SNTG1: variants seen among roughly 807,000 people sequenced by gnomAD.
The protein encoded by SNTG1 is syntrophin gamma 1, also known as gamma-1-syntrophin.
A neutral mutation model predicts 74.7 loss-of-function variants in SNTG1; 39 were observed. The ratio of observed to expected loss-of-function variants is 0.52; its 90% confidence interval spans 0.40 to 0.68. SNTG1 has a LOEUF of 0.68. SNTG1 is among the 30% of genes least tolerant of loss of function. The pLI is 0.00. For missense variants in SNTG1, 685 were observed against 609.5 expected (o/e 1.12, Z -1.30); for synonymous variants, 254 against 217.1 (o/e 1.17, Z -1.49).
intron 2 of SNTG1, among the ~76,000 whole-genome samples, chr8:50,232,265 C>T (rs1196002177): frequency 6.6e-6 from 1 of 151,296 alleles, no homozygotes; most frequent in Non-Finnish European, 1.5e-5. Context: ...ACCAAGGGGT[C>T]TTATTCCAGG....
chr8:50,225,409 A>C (rs2085279271), intron 2 of SNTG1, among the ~76,000 whole-genome samples: 1 of 152,134 alleles, frequency 6.6e-6, no homozygotes, highest in Non-Finnish European at 1.5e-5. Context: ...GCTTTCAACC[A>C]TTGTCAGTCA....
At chr8:49,971,033 T>G (rs918426888) in intron 1 of SNTG1, among the ~76,000 whole-genome samples, 1 of 152,090 alleles carries the variant, frequency 6.6e-6, no homozygotes, top group Non-Finnish European at 1.5e-5. Flanking sequence ...GCCAGCATCA[T>G]CCTGATACCA....
At chr8:49,980,490 C>A (rs941283199) in intron 1 of SNTG1, among the ~76,000 whole-genome samples, 1 of 114,804 alleles carries the variant, frequency 8.7e-6, no homozygotes, top group African/African-American at 3.3e-5. Context: ...GCTTTACTTT[C>A]TCCTCACATC....
At chr8:50,233,108 C>A (rs530349402) in intron 2 of SNTG1, among the ~76,000 whole-genome samples, 40 of 151,358 alleles carry the variant, frequency 2.6e-4, no homozygotes, top group Non-Finnish European at 4.7e-4. Flanking sequence ...ATAGCAAAAA[C>A]AATTTTGAAA....
intron 1 of SNTG1, among the ~76,000 whole-genome samples, chr8:50,094,705 G>A (rs2079864335): frequency 6.6e-6 from 1 of 152,124 alleles, no homozygotes; most frequent in African/African-American, 2.4e-5. Context: ...CAGAGACAAG[G>A]GAACACTTAT....
intron 17 of SNTG1, among the ~76,000 whole-genome samples, chr8:50,738,659 T>C (rs1473654608): frequency 6.6e-6 from 1 of 151,906 alleles, no homozygotes; most frequent in African/African-American, 2.4e-5. Context: ...CTTCAAACTA[T>C]ACTACAAAGC....
intron 17 of SNTG1, among the ~76,000 whole-genome samples, chr8:50,714,951 A>C (rs2095471589): frequency 1.3e-5 from 2 of 152,160 alleles, no homozygotes; most frequent in Non-Finnish European, 2.9e-5. Flanking sequence ...AAACAACAAC[A>C]AAAACAAAAA....
chr8:49,958,090 G>T (rs2129648601), intron 1 of SNTG1, among the ~76,000 whole-genome samples: 1 of 152,258 alleles, frequency 6.6e-6, no homozygotes, highest in Admixed American at 6.5e-5. Flanking sequence ...GTAAGAGGTT[G>T]GGGATTCAAA....
chr8:50,227,911 A>G (rs2085418272), intron 2 of SNTG1, among the ~76,000 whole-genome samples: 1 of 113,902 alleles, frequency 8.8e-6, no homozygotes, highest in Non-Finnish European at 1.9e-5. Flanking sequence ...AAAATGACAT[A>G]AACAACAACC....
chr8:50,041,075 T>C (rs965625904), intron 1 of SNTG1, among the ~76,000 whole-genome samples: 4 of 152,090 alleles, frequency 2.6e-5, no homozygotes, highest in Admixed American at 6.5e-5. Context: ...TTTGTATTTT[T>C]AGTAGAGACA....
intron 4 of SNTG1, among the ~76,000 whole-genome samples, chr8:50,429,838 A>G (rs188183644): frequency 2.0e-5 from 3 of 152,278 alleles, no homozygotes; most frequent in Non-Finnish European, 4.4e-5. Context: ...ATGTTTCACT[A>G]AAGAAGGTAT....
intron 1 of SNTG1, among the ~76,000 whole-genome samples, chr8:49,913,969 C>A (rs1450412459): frequency 6.6e-6 from 1 of 151,920 alleles, no homozygotes; most frequent in Non-Finnish European, 1.5e-5. Flanking sequence ...GTGAAAGTTA[C>A]CTTTGCCTAA....
intron 1 of SNTG1, among the ~76,000 whole-genome samples, chr8:49,931,470 G>C (rs1474033841): frequency 2.0e-5 from 3 of 152,104 alleles, no homozygotes; most frequent in African/African-American, 7.2e-5. Context: ...CTCACTATCT[G>C]GGTGATGGGA....
In SNTG1 at chr8:50,393,819, T is replaced by C. The variant is rs181108782; in HGVS notation, c.-27-393T>C. ...AATCTTTTTTCATGAGGTAACCATATGAAAGGCAACTTTTAATTGCTCTTT... is the reference window on the plus strand; with the variant it reads ...AATCTTTTTTCATGAGGTAACCATACGAAAGGCAACTTTTAATTGCTCTTT... On this transcript the variant is annotated intron_variant, in intron 2 of 18. Coordinates refer to ENST00000642720, the MANE Select transcript of SNTG1 (RefSeq NM_018967.5). Among the ~76,000 whole-genome samples, 3 of 152,286 alleles carry C rather than the reference T, an allele frequency of 2.0e-5. No homozygotes were observed. In the East Asian group the frequency reaches 5.8e-4, roughly 29 times the overall value.
chr8:50,106,314 A>T (rs1350343741), intron 1 of SNTG1, among the ~76,000 whole-genome samples: 5 of 152,132 alleles, frequency 3.3e-5, no homozygotes, highest in Non-Finnish European at 7.4e-5. Flanking sequence ...ACTCACTATC[A>T]TGAGAATAAC....
chr8:50,080,377 ATGATATAAAAT>A, intron 1 of SNTG1, among the ~76,000 whole-genome samples: 1 of 152,222 alleles, frequency 6.6e-6, no homozygotes, highest in East Asian at 1.9e-4. Flanking sequence ...TTTTTTGTTG[ATGATATAAAAT>A]TGTATCTTAC....
At chr8:50,257,397 C>T (rs1374839496) in intron 2 of SNTG1, among the ~76,000 whole-genome samples, 1 of 152,146 alleles carries the variant, frequency 6.6e-6, no homozygotes, top group Non-Finnish European at 1.5e-5. Context: ...AAAATTTTCC[C>T]TGTCCCCATG....
At chr8:50,259,562 AAGAAAGAAAGAG>A in intron 2 of SNTG1, among the ~76,000 whole-genome samples, 1 of 126,364 alleles carries the variant, frequency 7.9e-6, no homozygotes, top group African/African-American at 2.6e-5. Context: ...GAAAGAAAGA[AAGAAAGAAAGAG>A]AAAATAAAGA....
At chr8:50,305,931 T>G (rs1444902746) in intron 2 of SNTG1, among the ~76,000 whole-genome samples, 1 of 151,920 alleles carries the variant, frequency 6.6e-6, no homozygotes, top group African/African-American at 2.4e-5. Flanking sequence ...TTCAATAGCT[T>G]TGGGGGTACA....
Sources: gnomAD v4.1 joint callset for allele counts (sites outside exome capture counted in the v4.1 genomes callset) on GRCh38, gnomAD v4.1.1 for gene constraint, MANE v1.5 for transcripts, NCBI Gene and HGNC (gene_info 2026-07-23, HGNC 2026-07-21) for gene names.